CCNY: variants seen among roughly 807,000 people sequenced by gnomAD.
CCNY encodes cyclin-Y.
CCNY carries 19 observed loss-of-function variants against 42.8 expected under a neutral mutation model. The ratio of observed to expected loss-of-function variants is 0.44; its 90% CI spans 0.31 to 0.65. The LOEUF is 0.65. Ranked by LOEUF, CCNY falls within the 30% of genes least tolerant of loss-of-function variation. CCNY has a pLI of 0.07. For synonymous variants in CCNY, 165 were observed against 162.7 expected, an observed-to-expected ratio of 1.01 and a Z score of -0.11; for missense variants, 370 against 437.3, an observed-to-expected ratio of 0.85 and a Z score of 1.37.
rs573709591 is a variant in CCNY at position 35,307,725 on chromosome 10, C to T, written c.-9+57099C>T. On this transcript the variant is annotated intron_variant, in intron 3 of 11. Transcript: ENST00000374706. ...ATATATGTATATATATACACACACA[C>T]ATATATGTATATATATACATATTGA... Among the ~76,000 whole-genome samples the T allele has an allele frequency of 2.7e-5, 4 of 147,140 alleles. No individual in the cohort carries two copies. In the South Asian group the frequency reaches 8.6e-4, roughly 32 times the overall value.
chr10:35,317,887 C>T (rs1835779225), intron 3 of CCNY, among the ~76,000 whole-genome samples: 2 of 152,208 alleles, frequency 1.3e-5, no homozygotes, highest in African/African-American at 4.8e-5. Context: ...GAGGAGTGAT[C>T]TACACAACCA....
chr10:35,493,145 A>C (rs927292881), intron 2 of CCNY, among the ~76,000 whole-genome samples: 9 of 152,150 alleles, frequency 5.9e-5, no homozygotes, highest in African/African-American at 1.2e-4. Flanking sequence ...AAAGCTGCTG[A>C]TATAGTACAA....
At chr10:35,275,097 T>C (rs932625273) in intron 3 of CCNY, among the ~76,000 whole-genome samples, 4 of 127,740 alleles carry the variant, frequency 3.1e-5, no homozygotes, top group Non-Finnish European at 4.7e-5. Flanking sequence ...GGAGTCTCGC[T>C]CTGTCACCCA....
chr10:35,553,205 G>A lies in CCNY; in HGVS notation c.746+20G>A, dbSNP rs768237252. ...GGACATGTGAGTTGGGGGGCAGAGG[G>A]TGTTGGTCATCAGAGTCTTGGCCAG... On this transcript the variant is annotated intron_variant, in intron 8 of 9. Transcript: ENST00000374704. 6.8e-6 allele frequency: 11 copies of A among 1,611,288 alleles called. No homozygotes were observed. Among genetic ancestry groups the A allele is most frequent in the Non-Finnish European group, 9.3e-6 (11 of 1,177,780 alleles).
At chr10:35,448,129 G>T (rs1838832562) in intron 1 of CCNY, among the ~76,000 whole-genome samples, 1 of 152,174 alleles carries the variant, frequency 6.6e-6, no homozygotes, top group Admixed American at 6.5e-5. Context: ...GGTGACTTCT[G>T]TACAGCAGCA....
intron 3 of CCNY, among the ~76,000 whole-genome samples, chr10:35,282,720 CAAAAA>C (rs71033390): frequency 2.3e-5 from 2 of 88,262 alleles, no homozygotes; most frequent in Middle Eastern, 0.012. Flanking sequence ...GAGACTGTCT[CAAAAA>C]AAAAAAAAAA....
chr10:35,449,149 G>A (rs1032485018), intron 1 of CCNY, among the ~76,000 whole-genome samples: 4 of 151,994 alleles, frequency 2.6e-5, no homozygotes, highest in Non-Finnish European at 4.4e-5. Flanking sequence ...GGAGATAATA[G>A]CATGGGAACC....
chr10:35,288,743 C>T (rs747670380), intron 3 of CCNY, among the ~76,000 whole-genome samples: 4 of 152,200 alleles, frequency 2.6e-5, no homozygotes, highest in Non-Finnish European at 4.4e-5. Flanking sequence ...AATATCTTCT[C>T]TCCATTCAGT....
intron 3 of CCNY, among the ~76,000 whole-genome samples, chr10:35,285,094 C>A (rs1226268232): frequency 6.6e-6 from 1 of 152,136 alleles, no homozygotes; most frequent in Non-Finnish European, 1.5e-5. Flanking sequence ...TAGCTCACAG[C>A]AATCTCCGCC....
chr10:35,287,162 C>A (rs999062219), intron 3 of CCNY, among the ~76,000 whole-genome samples: 9 of 152,084 alleles, frequency 5.9e-5, no homozygotes, highest in African/African-American at 2.2e-4. Context: ...TTGGAGCACT[C>A]ATTATTATAA....
chr10:35,268,692 C>A (rs1223474900), intron 3 of CCNY, among the ~76,000 whole-genome samples: 1 of 152,208 alleles, frequency 6.6e-6, no homozygotes, highest in Non-Finnish European at 1.5e-5. Context: ...GTGGAGATGG[C>A]CAGCCTGTAC....
intron 1 of CCNY, among the ~76,000 whole-genome samples, chr10:35,422,143 A>G (rs1461964229): frequency 6.6e-6 from 1 of 152,158 alleles, no homozygotes; most frequent in Non-Finnish European, 1.5e-5. Flanking sequence ...TTTTCCATCT[A>G]ATTTTACACC....
At chr10:35,405,965 C>G (rs1485718718) in intron 1 of CCNY, among the ~76,000 whole-genome samples, 2 of 152,134 alleles carry the variant, frequency 1.3e-5, no homozygotes, top group East Asian at 3.9e-4. Flanking sequence ...GGAGGAAGTT[C>G]TAGAGGAACC....
chr10:35,526,042 C>G, intron 5 of CCNY, 43 bp downstream of exon 5: 1 of 1,542,280 alleles, frequency 6.5e-7, no homozygotes, highest in Non-Finnish European at 8.9e-7. Context: ...ACGTTATCTT[C>G]TGTTATGTTG....
Position 35,530,091 on chromosome 10 carries a change from A to C in CCNY, c.460-33A>C. 6.2e-7 allele frequency: 1 copy of C among 1,614,120 alleles called. No homozygotes were observed. Among genetic ancestry groups the C allele is most frequent in the Non-Finnish European group, 8.5e-7 (1 of 1,180,006 alleles). On this transcript the variant is annotated intron_variant, in intron 6 of 9. Transcript: ENST00000374704. The surrounding 1 kb of genome is among the most constrained non-coding windows in gnomAD (Gnocchi z 4.3). ...TTATTTCTCTTTTGCTCCAATCGGG[A>C]GATCAGTCATCTGAAAATATTTTCT...
rs1002181042 is a variant in CCNY, at chr10:35,295,359, G to A, written c.-9+44733G>A. Among the ~76,000 whole-genome samples, 14 of 151,772 alleles carry A rather than the reference G, an allele frequency of 9.2e-5. 1 individual carries two copies. Among genetic ancestry groups the A allele is most frequent in the Admixed American group, 9.2e-4 (14 of 15,232 alleles). ...CGATTCTCCTGCCTCAGCCTCCCGA[G>A]TAGCTGGGATTACAGGCATGTGCCA... On this transcript the variant is annotated intron_variant, in intron 3 of 11. Transcript: ENST00000374706.
chr10:35,421,718 C>T (rs965228102), intron 1 of CCNY, among the ~76,000 whole-genome samples: 7 of 152,122 alleles, frequency 4.6e-5, no homozygotes, highest in Non-Finnish European at 2.9e-5. Context: ...TCCAGGATGC[C>T]GTTCCCTACA....
chr10:35,438,650 A>C (rs556383376), intron 1 of CCNY, among the ~76,000 whole-genome samples: 5 of 152,366 alleles, frequency 3.3e-5, no homozygotes, highest in South Asian at 4.1e-4. Context: ...ATACATTTAG[A>C]ACCACAGTAG....
intron 1 of CCNY, among the ~76,000 whole-genome samples, chr10:35,425,735 T>C (rs2135270303): frequency 6.6e-6 from 1 of 152,308 alleles, no homozygotes; most frequent in South Asian, 2.1e-4. Flanking sequence ...GGAGGGAATG[T>C]AACCTTGCTA....
Sources: allele counts gnomAD v4.1 joint callset (sites outside exome capture counted in the v4.1 genomes callset), GRCh38; gene constraint gnomAD v4.1.1; non-coding constraint Gnocchi (gnomAD v3.1); transcripts MANE v1.5; gene names NCBI Gene and HGNC (gene_info 2026-07-23, HGNC 2026-07-21).